Variants in CNOT4 observed in about 807,000 individuals in gnomAD.
CNOT4 encodes CCR4-associated factor 4.
Under a neutral mutation model 73.8 loss-of-function variants are expected in CNOT4, and 8 were observed. The observed-to-expected ratio is 0.11, with a 90% CI of 0.06 to 0.20. The LOEUF (loss-of-function observed/expected upper bound fraction) is 0.20, where lower values mean the gene tolerates loss of function less well. Among genes scored for constraint, CNOT4 ranks in the 10% least tolerant of loss-of-function variants. The pLI is 1.00. For missense variants in CNOT4, 564 were observed against 883.4 expected, an observed-to-expected ratio of 0.64 and a Z score of 4.58; for synonymous variants, 293 against 321.1, an observed-to-expected ratio of 0.91 and a Z score of 0.94.
chr7:135,376,145 C>T (rs1208837548), intron 10 of CNOT4, among the ~76,000 whole-genome samples: 4 of 152,106 alleles, frequency 2.6e-5, no homozygotes, highest in Admixed American at 2.6e-4. Context: ...AATTATAACT[C>T]ATATGCAAAT....
At chr7:135,375,195 A>G (rs926530607) in intron 10 of CNOT4, among the ~76,000 whole-genome samples, 4 of 152,242 alleles carry the variant, frequency 2.6e-5, no homozygotes, top group Non-Finnish European at 5.9e-5. Context: ...TGAGCTTCAT[A>G]TTTTAAGAAA....
intron 10 of CNOT4, among the ~76,000 whole-genome samples, chr7:135,381,400 C>T (rs780057444): frequency 4.6e-5 from 7 of 152,174 alleles, no homozygotes; most frequent in Non-Finnish European, 8.8e-5. Context: ...CATTTCAAAG[C>T]TATTTAGAGT....
intron 1 of CNOT4, among the ~76,000 whole-genome samples, chr7:135,485,189 C>T (rs1473487389): frequency 6.6e-6 from 1 of 152,206 alleles, no homozygotes; most frequent in Non-Finnish European, 1.5e-5. Context: ...TCTCCTGCCT[C>T]AGTCTTCCGA....
intron 1 of CNOT4, among the ~76,000 whole-genome samples, chr7:135,467,844 A>G (rs558075295): frequency 2.6e-5 from 4 of 152,360 alleles, no homozygotes; most frequent in Non-Finnish European, 5.9e-5. Context: ...TTAATTAAGC[A>G]CACTTTTTAA....
rs566392539 is a variant in CNOT4, at chr7:135,489,715, G to A, written c.-93+20174C>T. ...CTGGCCGACTAGCCACATTTCCTGT[G>A]CTCAGTAGTCCCATATGGCTAGTGG... On this transcript the variant is annotated intron_variant, in intron 1 of 11. Coordinates refer to ENST00000541284, the MANE Select transcript of CNOT4 (RefSeq NM_001190850.2). Among the ~76,000 whole-genome samples the A allele has an allele frequency of 2.0e-5, 3 of 152,164 alleles. No individual in the cohort carries two copies. In the East Asian group the frequency reaches 5.8e-4, roughly 29 times the overall value.
chr7:135,488,225 G>GA (rs1802868773), intron 1 of CNOT4, among the ~76,000 whole-genome samples: 1 of 152,010 alleles, frequency 6.6e-6, no homozygotes, highest in East Asian at 1.9e-4. Flanking sequence ...TGAGTGGCAT[G>GA]ATGTCAACTC....
intron 1 of CNOT4, among the ~76,000 whole-genome samples, chr7:135,459,128 AAAC>A (rs1485617346): frequency 6.6e-6 from 1 of 152,058 alleles, no homozygotes; most frequent in African/African-American, 2.4e-5. Flanking sequence ...GCAGGCATGA[AAAC>A]AACATTAATC....
chr7:135,474,898 T>C (rs1236336512), intron 1 of CNOT4, among the ~76,000 whole-genome samples: 2 of 152,146 alleles, frequency 1.3e-5, no homozygotes, highest in Non-Finnish European at 2.9e-5. Context: ...ACCATAATGA[T>C]GGTAATATCC....
chr7:135,500,343 CT>C (rs1211655353), intron 1 of CNOT4, among the ~76,000 whole-genome samples: 1 of 152,056 alleles, frequency 6.6e-6, no homozygotes, highest in East Asian at 1.9e-4. Flanking sequence ...AAGAAACCTA[CT>C]TTTTTCCCCC....
chr7:135,465,745 T>A (rs977584925), intron 1 of CNOT4, among the ~76,000 whole-genome samples: 1 of 151,338 alleles, frequency 6.6e-6, no homozygotes, highest in African/African-American at 2.4e-5. Context: ...AAAAAAAAAT[T>A]TTTTTTTTTA....
chr7:135,486,398 G>A (rs1394504709), intron 1 of CNOT4, among the ~76,000 whole-genome samples: 1 of 152,022 alleles, frequency 6.6e-6, no homozygotes, highest in East Asian at 1.9e-4. Flanking sequence ...GAAAAAACTG[G>A]TAACACCCTA....
At chr7:135,494,659 A>T (rs976315681) in intron 1 of CNOT4, among the ~76,000 whole-genome samples, 28 of 152,046 alleles carry the variant, frequency 1.8e-4, no homozygotes, top group African/African-American at 6.5e-4. Context: ...CTGGAAAGAG[A>T]TCAACAACAA....
intron 1 of CNOT4, among the ~76,000 whole-genome samples, chr7:135,501,835 G>C (rs1335339597): frequency 2.6e-5 from 4 of 152,136 alleles, no homozygotes; most frequent in African/African-American, 7.2e-5. Context: ...TCAAGTGTTT[G>C]CTCATTCTTT....
At chr7:135,400,201 G>A (rs1005386733) in intron 7 of CNOT4, among the ~76,000 whole-genome samples, 7 of 151,954 alleles carry the variant, frequency 4.6e-5, no homozygotes, top group Non-Finnish European at 8.8e-5. Flanking sequence ...GCAGAGCTAA[G>A]TATTTAGTTT....
intron 7 of CNOT4, among the ~76,000 whole-genome samples, chr7:135,405,393 CT>C (rs1312989948): frequency 6.6e-6 from 1 of 152,198 alleles, no homozygotes; most frequent in Admixed American, 6.5e-5. Context: ...ACTAGGCCTG[CT>C]CACTGTCTTG....
At chr7:135,475,936 T>C (rs1444156288) in intron 1 of CNOT4, among the ~76,000 whole-genome samples, 2 of 151,578 alleles carry the variant, frequency 1.3e-5, no homozygotes, top group Admixed American at 1.3e-4. Context: ...AAAATAAAAA[T>C]GAGGGAAAAA....
chr7:135,410,288 C>A (rs1466609735), intron 7 of CNOT4, among the ~76,000 whole-genome samples: 1 of 152,120 alleles, frequency 6.6e-6, no homozygotes, highest in Non-Finnish European at 1.5e-5. Context: ...CAAATCACCA[C>A]AAAAGGTGAA....
At chr7:135,475,697 C>T (rs1801945908) in intron 1 of CNOT4, among the ~76,000 whole-genome samples, 1 of 152,094 alleles carries the variant, frequency 6.6e-6, no homozygotes. Context: ...ACTGCTTGAG[C>T]CCAGTAATTT....
chr7:135,403,456 T>C (rs879719069), intron 7 of CNOT4, among the ~76,000 whole-genome samples: 1 of 152,202 alleles, frequency 6.6e-6, no homozygotes, highest in Non-Finnish European at 1.5e-5. Context: ...CATAATTAGC[T>C]ATTAACAGAA....
Sources: allele counts gnomAD v4.1 joint callset (sites outside exome capture counted in the v4.1 genomes callset), GRCh38; gene constraint gnomAD v4.1.1; transcripts MANE v1.5; gene names NCBI Gene and HGNC (gene_info 2026-07-23, HGNC 2026-07-21).